The following SUGCT variants were observed in gnomAD, a reference collection of about 807,000 sequenced individuals.
The protein encoded by SUGCT is succinyl-CoA:glutarate-CoA transferase.
Under a neutral mutation model 55.0 loss-of-function variants are expected in SUGCT, and 41 were observed. That is an observed-to-expected ratio of 0.74 (90% CI 0.58 to 0.97). SUGCT has a LOEUF of 0.97. Ranked by LOEUF, SUGCT falls within the 50% of genes least tolerant of loss-of-function variation. The probability of loss-of-function intolerance (pLI) is 0.00; values close to 1 mark genes in which losing one functional copy is unlikely to be tolerated. For missense variants in SUGCT, 568 were observed against 547.8 expected (o/e 1.04, Z -0.37); for synonymous variants, 187 against 200.4 (o/e 0.93, Z 0.56).
At chr7:40,489,945 G>A (rs991002902) in intron 11 of SUGCT, among the ~76,000 whole-genome samples, 1 of 152,186 alleles carries the variant, frequency 6.6e-6, no homozygotes, top group African/African-American at 2.4e-5. Context: ...GCCTAGTAAT[G>A]TTCCTCAACA....
intron 9 of SUGCT, among the ~76,000 whole-genome samples, chr7:40,440,659 G>A (rs1360159683): frequency 6.6e-6 from 1 of 151,968 alleles, no homozygotes; most frequent in East Asian, 1.9e-4. Context: ...TCTATTTCTA[G>A]GGACTTTTCT....
intron 8 of SUGCT, among the ~76,000 whole-genome samples, chr7:40,294,499 C>T (rs1411020004): frequency 2.6e-5 from 4 of 152,136 alleles, no homozygotes; most frequent in African/African-American, 9.7e-5. Flanking sequence ...GTTTACATAC[C>T]AGTCTTTTAA....
chr7:40,402,219 C>T (rs1034713960), intron 9 of SUGCT, among the ~76,000 whole-genome samples: 12 of 151,692 alleles, frequency 7.9e-5, no homozygotes, highest in South Asian at 2.1e-4. Flanking sequence ...CGTTCTAGAA[C>T]GTGTGCTATT....
intron 6 of SUGCT, among the ~76,000 whole-genome samples, chr7:40,213,298 T>G (rs1442966149): frequency 5.3e-5 from 8 of 152,194 alleles, no homozygotes; most frequent in Non-Finnish European, 1.2e-4. Context: ...TTCTCAGTCT[T>G]TCCTTGTTTT....
intron 11 of SUGCT, among the ~76,000 whole-genome samples, chr7:40,464,921 C>T (rs1199863904): frequency 6.6e-6 from 1 of 152,136 alleles, no homozygotes; most frequent in Non-Finnish European, 1.5e-5. Context: ...GGACATAATA[C>T]CTTCATAAGT....
rs1295720099 is a variant in SUGCT at position 40,377,154 on chromosome 7, CTTTCTT to C, written c.816+60301_816+60306del. Among the ~76,000 whole-genome samples, 5 of 15,230 alleles carry C rather than the reference CTTTCTT, an allele frequency of 3.3e-4. 2 individuals are homozygous for C. Among genetic ancestry groups the C allele is most frequent in the African/African-American group, 5.4e-4 (5 of 9,318 alleles). 10.0% of individuals were successfully genotyped at this position (15,230 alleles called of 152,430 possible). A position where few individuals can be genotyped will look rare whatever the true frequency, so the allele number is the denominator to read the frequency against. The stretch of plus-strand genomic sequence containing the variant: ...TCTTTCTTTCTTTCTTTCTTTCTTT[CTTTCTT>C]TCTTTCTTTCTTTCTTTCTTTCTTT... On this transcript the variant is annotated intron_variant, in intron 9 of 13. Transcript: ENST00000335693.
chr7:40,413,248 T>C (rs1786789807), intron 9 of SUGCT, among the ~76,000 whole-genome samples: 1 of 152,158 alleles, frequency 6.6e-6, no homozygotes, highest in African/African-American at 2.4e-5. Context: ...TCTCTGTACA[T>C]GGGGAAACTG....
chr7:40,628,749 GTGTGT>G (rs949446588), intron 12 of SUGCT, among the ~76,000 whole-genome samples: 57 of 152,074 alleles, frequency 3.7e-4, no homozygotes, highest in African/African-American at 1.3e-3. Context: ...GTGTGTGTGT[GTGTGT>G]GTTTTAGATG....
At chr7:40,772,576 C>A (rs1243334934) in intron 13 of SUGCT, among the ~76,000 whole-genome samples, 1 of 119,318 alleles carries the variant, frequency 8.4e-6, no homozygotes, top group Non-Finnish European at 1.8e-5. Flanking sequence ...TGTTATCTAT[C>A]TGCTATCTAT....
chr7:40,611,124 A>T (rs1798748739), intron 12 of SUGCT, among the ~76,000 whole-genome samples: 1 of 152,040 alleles, frequency 6.6e-6, no homozygotes, highest in Non-Finnish European at 1.5e-5. Flanking sequence ...GTTCACTCAT[A>T]CAGTTTTTTA....
chr7:40,979,604 G>A, the SUGCT span: 10 of 152,210 alleles, frequency 6.6e-5, no homozygotes, highest in African/African-American at 1.2e-4. Context: ...ATGTAGAAAT[G>A]GGAAAGTCAG....
At chr7:40,193,764 C>T (rs1175392119) in intron 5 of SUGCT, among the ~76,000 whole-genome samples, 1 of 151,330 alleles carries the variant, frequency 6.6e-6, no homozygotes, top group Non-Finnish European at 1.5e-5. Context: ...ACACCTGGCT[C>T]ATTTTTTTGT....
At chr7:40,152,114 C>T (rs1303267434) in intron 1 of SUGCT, among the ~76,000 whole-genome samples, 1 of 152,178 alleles carries the variant, frequency 6.6e-6, no homozygotes, top group African/African-American at 2.4e-5. Flanking sequence ...CTAAGAGCAA[C>T]TGGGAAGGTT....
chr7:40,834,762 A>T (rs1046098924), intron 13 of SUGCT, among the ~76,000 whole-genome samples: 1 of 152,210 alleles, frequency 6.6e-6, no homozygotes, highest in Non-Finnish European at 1.5e-5. Context: ...AATAAAAGAA[A>T]TGTTTCTTTT....
chr7:40,135,414 C>T (rs536508936), intron 1 of SUGCT, among the ~76,000 whole-genome samples: 1 of 152,348 alleles, frequency 6.6e-6, no homozygotes, highest in South Asian at 2.1e-4. Flanking sequence ...CCTGTCCTTT[C>T]GTCCGCCAAG....
chr7:40,985,739 G>T, the SUGCT span, among the ~76,000 whole-genome samples: 8 of 152,218 alleles, frequency 5.3e-5, no homozygotes, highest in Admixed American at 1.3e-4. Flanking sequence ...ACAGGGAACT[G>T]TTGAAGGTTT....
chr7:40,747,847 C>T (rs1787809311), intron 12 of SUGCT, among the ~76,000 whole-genome samples: 1 of 152,106 alleles, frequency 6.6e-6, no homozygotes, highest in Non-Finnish European at 1.5e-5. Flanking sequence ...ATTTTGCCTC[C>T]AATAATTCAA....
At chr7:40,958,445 A>G in the SUGCT span, among the ~76,000 whole-genome samples, 1 of 151,158 alleles carries the variant, frequency 6.6e-6, no homozygotes, top group Admixed American at 6.6e-5. Context: ...CTTCTGCTTG[A>G]TCGATTTGGC....
the SUGCT span, among the ~76,000 whole-genome samples, chr7:41,034,022 A>C: frequency 6.6e-6 from 1 of 152,246 alleles, no homozygotes; most frequent in Non-Finnish European, 1.5e-5. Flanking sequence ...GTATGAACCT[A>C]TCAATGTTGT....
Sources: allele counts gnomAD v4.1 joint callset (sites outside exome capture counted in the v4.1 genomes callset), GRCh38; gene constraint gnomAD v4.1.1; transcripts MANE v1.5; gene names NCBI Gene and HGNC (gene_info 2026-07-23, HGNC 2026-07-21).